The following AKAP13 variants were observed in gnomAD, a reference collection of about 807,000 sequenced individuals.
AKAP13 encodes A-kinase anchoring protein 13, also known as A-kinase anchor protein 13.
Under a neutral mutation model 264.5 loss-of-function variants are expected in AKAP13, and 80 were observed. That is an observed-to-expected ratio of 0.30 (90% CI 0.25 to 0.36). The LOEUF (loss-of-function observed/expected upper bound fraction) is 0.36, where lower values mean the gene tolerates loss of function less well. Among genes scored for constraint, AKAP13 ranks in the 10% least tolerant of loss-of-function variants. AKAP13 has a pLI of 1.00. For synonymous variants in AKAP13, 1,380 were observed against 1,250.2 expected (o/e 1.10, Z -2.19); for missense variants, 3,712 against 3,435.2 (o/e 1.08, Z -2.01).
At chr15:85,423,432 C>T (rs1230429574) in intron 1 of AKAP13, among the ~76,000 whole-genome samples, 1 of 152,220 alleles carries the variant, frequency 6.6e-6, no homozygotes, top group Admixed American at 6.5e-5. Context: ...GATTCCATGT[C>T]TAGAAGCCAC....
At chr15:85,673,395 C>T (rs114573255) in intron 14 of AKAP13, among the ~76,000 whole-genome samples, 37 of 152,130 alleles carry the variant, frequency 2.4e-4, no homozygotes, top group African/African-American at 7.7e-4. Flanking sequence ...ATATGATGAG[C>T]GTGACTTGCC....
rs907975328 is a variant in AKAP13, at chr15:85,380,637, G to C, written c.-173G>C. The C allele has an allele frequency of 6.9e-6, 1 of 144,650 alleles. No individual in the cohort carries two copies. The highest frequency in any genetic ancestry group is 2.5e-5 in the African/African-American group (1 of 40,030). 9.0% of individuals were successfully genotyped at this position (144,650 alleles called of 1,614,324 possible). A position where few individuals can be genotyped will look rare whatever the true frequency, so the allele number is the denominator to read the frequency against. ...GCCAGCGCGGAGCCCGAGCAGCCGC[G>C]GTGAAGCGCCTGTGCTCTGCCGAGA... On this transcript the variant is annotated 5_prime_UTR_variant, in exon 1 of 37. Coordinates refer to ENST00000394518, the MANE Select transcript of AKAP13 (RefSeq NM_007200.5).
chr15:85,483,725 T>G (rs1233727759), intron 1 of AKAP13, among the ~76,000 whole-genome samples: 1 of 151,004 alleles, frequency 6.6e-6, no homozygotes. Flanking sequence ...GCAGGAGAAT[T>G]GCTTGAACCC....
At chr15:85,431,420 T>C (rs1439195161) in intron 1 of AKAP13, among the ~76,000 whole-genome samples, 1 of 152,246 alleles carries the variant, frequency 6.6e-6, no homozygotes, top group Non-Finnish European at 1.5e-5. Flanking sequence ...ACAAGGGTAG[T>C]GGTAGTACAT....
intron 5 of AKAP13, among the ~76,000 whole-genome samples, chr15:85,566,645 T>TTA (rs397743631): frequency 1.3e-5 from 2 of 150,194 alleles, no homozygotes; most frequent in Non-Finnish European, 3.0e-5. Context: ...TTTTTTTTTT[T>TTA]AAATGGAGTC....
chr15:85,695,691 C>G (rs1474713850), intron 17 of AKAP13, among the ~76,000 whole-genome samples: 2 of 152,166 alleles, frequency 1.3e-5, no homozygotes, highest in African/African-American at 4.8e-5. Flanking sequence ...GAGCTCTCAC[C>G]CGAATCCTCA....
chr15:85,407,798 A>G (rs2071748735), intron 1 of AKAP13, among the ~76,000 whole-genome samples: 1 of 151,674 alleles, frequency 6.6e-6, no homozygotes, highest in Non-Finnish European at 1.5e-5. Context: ...AAGGGAGGAT[A>G]GTCTGGTTTT....
At chr15:85,606,585 T>C (rs1329430267) in intron 8 of AKAP13, among the ~76,000 whole-genome samples, 1 of 152,244 alleles carries the variant, frequency 6.6e-6, no homozygotes, top group Non-Finnish European at 1.5e-5. Flanking sequence ...GGATGAGTGC[T>C]AACACAGTTC....
At chr15:85,554,301 A>C (rs529081530) in intron 5 of AKAP13, among the ~76,000 whole-genome samples, 1 of 152,246 alleles carries the variant, frequency 6.6e-6, no homozygotes, top group South Asian at 2.1e-4. Context: ...GAACATGTTT[A>C]TAAAGTTCTT....
rs537268203 is a variant in AKAP13 at position 85,515,448 on chromosome 15, A to G, written c.34-5980A>G. On this transcript the variant is annotated intron_variant, in intron 2 of 36. Transcript: ENST00000394518. Reference sequence around the variant, plus strand: ...AAAGGTGTTCTTTCATAACCACGGCACAATACCAAAACCAGGAATTTTAAC... The same window carrying G: ...AAAGGTGTTCTTTCATAACCACGGCGCAATACCAAAACCAGGAATTTTAAC... Among the ~76,000 whole-genome samples the G allele has an allele frequency of 6.4e-4, 89 of 138,884 alleles. 14 individuals carry two copies. The highest frequency in any genetic ancestry group is 1.2e-3 in the Non-Finnish European group (79 of 64,780). 91.1% of individuals were successfully genotyped at this position (138,884 alleles called of 152,430 possible).
At position 85,508,463 on chromosome 15, in the gene AKAP13, G is replaced by A. The variant is rs920038400; in HGVS notation, c.34-12965G>A. Among the ~76,000 whole-genome samples, 8 of 151,738 alleles carry A rather than the reference G, an allele frequency of 5.3e-5. 1 individual carries two copies. On this transcript the variant is annotated intron_variant, in intron 2 of 36. Transcript: ENST00000394518. ...TGGCCTTGTGTAGATTTTTTTAAAGGTAAGGGGTTGAAGTGGGGAATTCCA... is the reference window on the plus strand; with the variant it reads ...TGGCCTTGTGTAGATTTTTTTAAAGATAAGGGGTTGAAGTGGGGAATTCCA...
intron 2 of AKAP13, among the ~76,000 whole-genome samples, chr15:85,509,608 T>C (rs2076352277): frequency 6.6e-6 from 1 of 152,202 alleles, no homozygotes; most frequent in Non-Finnish European, 1.5e-5. Flanking sequence ...GAATTTGTCT[T>C]TCATTTTCTA....
intron 1 of AKAP13, among the ~76,000 whole-genome samples, chr15:85,451,460 C>T (rs531154882): frequency 3.9e-5 from 6 of 152,208 alleles, no homozygotes; most frequent in African/African-American, 1.2e-4. Context: ...GGTTGATTTA[C>T]AGTGATACTG....
chr15:85,602,154 A>G (rs1170696810), intron 8 of AKAP13, among the ~76,000 whole-genome samples: 3 of 151,898 alleles, frequency 2.0e-5, no homozygotes, highest in African/African-American at 7.3e-5. Context: ...CTTAAAAGCT[A>G]CTTTCGGTAT....
chr15:85,525,542 A>G (rs547146374), intron 3 of AKAP13, among the ~76,000 whole-genome samples: 18 of 152,322 alleles, frequency 1.2e-4, no homozygotes, highest in South Asian at 2.1e-4. Context: ...CACCTATGAA[A>G]GTGGCTAGTT....
intron 1 of AKAP13, among the ~76,000 whole-genome samples, chr15:85,468,669 T>C (rs2074843533): frequency 6.6e-6 from 1 of 152,228 alleles, no homozygotes; most frequent in African/African-American, 2.4e-5. Context: ...GAATTTTGTA[T>C]GAAGTCTGAC....
intron 8 of AKAP13, chr15:85,621,243 G>A (rs896845509): frequency 6.6e-6 from 1 of 152,244 alleles, no homozygotes; most frequent in Non-Finnish European, 1.5e-5. Flanking sequence ...ATGTTGGGCA[G>A]GGCACTAGGT....
At chr15:85,738,259 GTGGA>G (rs1567223328) in intron 33 of AKAP13, among the ~76,000 whole-genome samples, 1 of 151,676 alleles carries the variant, frequency 6.6e-6, no homozygotes, top group Non-Finnish European at 1.5e-5. Flanking sequence ...AGGCATGGTG[GTGGA>G]CGCCTGTAAT....
At chr15:85,494,451 G>A (rs557867520) in intron 2 of AKAP13, among the ~76,000 whole-genome samples, 13 of 152,252 alleles carry the variant, frequency 8.5e-5, no homozygotes, top group Admixed American at 6.5e-5. Flanking sequence ...AGAATTAGGC[G>A]ACGTGGATGA....
Sources: gnomAD v4.1 joint callset for allele counts (sites outside exome capture counted in the v4.1 genomes callset) on GRCh38, gnomAD v4.1.1 for gene constraint, MANE v1.5 for transcripts, NCBI Gene and HGNC (gene_info 2026-07-23, HGNC 2026-07-21) for gene names.